CDH1: variants seen among roughly 807,000 people sequenced by gnomAD.
The protein encoded by CDH1 is cadherin 1.
CDH1 carries 35 observed loss-of-function variants against 84.5 expected under a neutral mutation model. The observed-to-expected ratio is 0.41, with a 90% CI of 0.32 to 0.55. The LOEUF (loss-of-function observed/expected upper bound fraction) is 0.55. Ranked by LOEUF, CDH1 falls within the 20% of genes least tolerant of loss-of-function variation. CDH1 has a pLI of 0.19. For missense variants in CDH1, 994 were observed against 1,126.6 expected (o/e 0.88, Z 1.68); for synonymous variants, 417 against 439.0 (o/e 0.95, Z 0.63).
At chr16:68,781,698 T>C (rs1050231633) in intron 2 of CDH1, among the ~76,000 whole-genome samples, 3 of 152,062 alleles carry the variant, frequency 2.0e-5, no homozygotes, top group African/African-American at 7.2e-5. Flanking sequence ...GATCTCAAAC[T>C]CCTGGACTCG....
intron 2 of CDH1, among the ~76,000 whole-genome samples, chr16:68,792,607 C>T (rs896578237): frequency 2.0e-5 from 3 of 152,152 alleles, no homozygotes; most frequent in South Asian, 2.1e-4. Flanking sequence ...TGGCGTTTGC[C>T]GTCAGAGAAG....
At chr16:68,824,763 G>T (rs1440552858) in intron 13 of CDH1, among the ~76,000 whole-genome samples, 1 of 152,136 alleles carries the variant, frequency 6.6e-6, no homozygotes, top group Admixed American at 6.5e-5. Flanking sequence ...TATGGTCAAG[G>T]TAAATACTTT....
intron 2 of CDH1, among the ~76,000 whole-genome samples, chr16:68,753,327 G>A (rs1962935857): frequency 6.6e-6 from 1 of 151,436 alleles, no homozygotes; most frequent in South Asian, 2.1e-4. Flanking sequence ...GTACTGTAGG[G>A]CAACATCTTG....
At chr16:68,771,286 C>T (rs926290693) in intron 2 of CDH1, among the ~76,000 whole-genome samples, 2 of 152,058 alleles carry the variant, frequency 1.3e-5, no homozygotes, top group Admixed American at 1.3e-4. Context: ...GTGTATTGAG[C>T]CCTTTTTTCT....
At position 68,828,324 on chromosome 16, in the gene CDH1, G is replaced by A. The variant is rs747693532; in HGVS notation, c.2295+20G>A. 1.9e-6 allele frequency: 3 copies of A among 1,613,424 alleles called. No individual in the cohort carries two copies. The highest frequency in any genetic ancestry group is 1.7e-6 in the Non-Finnish European group (2 of 1,179,444). ...GACCAGGTGGGTTTTGAAAACCTTG[G>A]TAGCTCAGTGGTGATCTCTTTATTC... On this transcript the variant is annotated intron_variant, in intron 14 of 15. Coordinates refer to ENST00000261769, the MANE Select transcript of CDH1 (RefSeq NM_004360.5).
chr16:68,741,934 G>T (rs1435809949), intron 2 of CDH1, among the ~76,000 whole-genome samples: 1 of 152,216 alleles, frequency 6.6e-6, no homozygotes. Flanking sequence ...GCCTCCCAAA[G>T]TGTTGGGATT....
intron 14 of CDH1, among the ~76,000 whole-genome samples, chr16:68,829,065 G>A (rs149574162): frequency 7.4e-4 from 112 of 152,292 alleles, no homozygotes; most frequent in African/African-American, 2.6e-3. Context: ...CACAACATGC[G>A]TATCTTTCTC....
intron 2 of CDH1, among the ~76,000 whole-genome samples, chr16:68,758,171 C>T (rs1476648888): frequency 6.7e-6 from 1 of 149,384 alleles, no homozygotes; most frequent in Non-Finnish European, 1.5e-5. Context: ...ATCCCAACCC[C>T]ACCCCATTTT....
At chr16:68,796,416 C>T (rs1054966370) in intron 2 of CDH1, among the ~76,000 whole-genome samples, 2 of 152,152 alleles carry the variant, frequency 1.3e-5, no homozygotes, top group Non-Finnish European at 2.9e-5. Flanking sequence ...AATATAGAAG[C>T]TTTTGAGACT....
chr16:68,804,378 G>C lies in CDH1; in HGVS notation c.387+2485G>C, dbSNP rs185520190. ...TCCACCTGCCTCGGCCTCCTAAAGT[G>C]CTGGGATTACAGGTGTGAGCCACTG... On this transcript the variant is annotated intron_variant, in intron 3 of 15. Coordinates refer to ENST00000261769, the MANE Select transcript of CDH1 (RefSeq NM_004360.5). 2.6e-3 allele frequency among the ~76,000 whole-genome samples: 398 copies of C among 152,118 alleles called. 2 individuals carry two copies. The highest frequency in any genetic ancestry group is 8.9e-3 in the African/African-American group (370 of 41,516).
chr16:68,746,294 A>G (rs1008363828), intron 2 of CDH1, among the ~76,000 whole-genome samples: 1 of 152,066 alleles, frequency 6.6e-6, no homozygotes, highest in Non-Finnish European at 1.5e-5. Flanking sequence ...GCGTGGTGGC[A>G]TGCTCCTGTA....
intron 13 of CDH1, among the ~76,000 whole-genome samples, chr16:68,824,774 T>C (rs375810424): frequency 1.3e-5 from 2 of 152,236 alleles, no homozygotes; most frequent in Admixed American, 6.5e-5. Context: ...TAAATACTTT[T>C]ATCATTTACA....
At chr16:68,820,975 TA>T (rs1488734215) in intron 11 of CDH1, among the ~76,000 whole-genome samples, 4 of 152,164 alleles carry the variant, frequency 2.6e-5, no homozygotes, top group Non-Finnish European at 5.9e-5. Flanking sequence ...TGCTCATTGT[TA>T]AAAAATAAAA....
rs1960864543 is a variant in CDH1 at position 68,812,377 on chromosome 16, A to C, written c.1137+114A>C. The C allele has an allele frequency of 2.6e-6, 3 of 1,164,360 alleles. No individual in the cohort carries two copies. Among genetic ancestry groups the C allele is most frequent in the East Asian group, 2.4e-5 (1 of 42,080 alleles). 72.1% of individuals were successfully genotyped at this position (1,164,360 alleles called of 1,614,324 possible). A position where few individuals can be genotyped will look rare whatever the true frequency, so the allele number is the denominator to read the frequency against. Reference sequence around the variant, plus strand: ...TTGAAAACTCTCTCCAGACTAGAGAATGTTAACTTTAAACTTAAAAGCAAG... The same window carrying C: ...TTGAAAACTCTCTCCAGACTAGAGACTGTTAACTTTAAACTTAAAAGCAAG... On this transcript the variant is annotated intron_variant, in intron 8 of 15. Transcript: ENST00000261769.
chr16:68,822,715 T>C, intron 12 of CDH1: 1 of 299,204 alleles, frequency 3.3e-6, no homozygotes, highest in East Asian at 8.7e-5. Context: ...ACGATGTGGA[T>C]CTGGAAGGTG....
chr16:68,793,930 C>CAAA (rs35590027), intron 2 of CDH1, among the ~76,000 whole-genome samples: 1 of 86,468 alleles, frequency 1.2e-5, no homozygotes, highest in Non-Finnish European at 2.4e-5. Flanking sequence ...GACTCTGTCT[C>CAAA]AAAAAAAAAA....
At chr16:68,791,218 C>T (rs1038133080) in intron 2 of CDH1, among the ~76,000 whole-genome samples, 1 of 152,108 alleles carries the variant, frequency 6.6e-6, no homozygotes, top group Non-Finnish European at 1.5e-5. Flanking sequence ...ACTGTTCCCC[C>T]GCACTGCCGC....
intron 9 of CDH1, 145 bp downstream of exon 9, chr16:68,813,640 T>G (rs1960906919): frequency 2.4e-6 from 2 of 825,970 alleles, no homozygotes; most frequent in African/African-American, 3.3e-5. Context: ...ATGTGGGATT[T>G]GCAGTGGCTC....
intron 14 of CDH1, among the ~76,000 whole-genome samples, chr16:68,828,760 C>T (rs1961398513): frequency 6.6e-6 from 1 of 152,160 alleles, no homozygotes; most frequent in Non-Finnish European, 1.5e-5. Context: ...TCTGTATTTC[C>T]TGATTTTGGA....
Sources: gnomAD v4.1 joint callset for allele counts (sites outside exome capture counted in the v4.1 genomes callset) on GRCh38, gnomAD v4.1.1 for gene constraint, MANE v1.5 for transcripts, NCBI Gene and HGNC (gene_info 2026-07-23, HGNC 2026-07-21) for gene names.